The following CSMD3 variants were observed in gnomAD, a reference collection of about 807,000 sequenced individuals.
CSMD3 encodes CUB and Sushi multiple domains 3, also known as CUB and sushi domain-containing protein 3.
In CSMD3, 177 loss-of-function variants were observed where a neutral mutation model predicts 435.2. The ratio of observed to expected loss-of-function variants is 0.41; its 90% CI spans 0.36 to 0.46. The LOEUF is 0.46. Among genes scored for constraint, CSMD3 ranks in the 20% least tolerant of loss-of-function variants. The probability of loss-of-function intolerance (pLI) is 0.34; values close to 1 mark genes in which losing one functional copy is unlikely to be tolerated. For missense variants in CSMD3, 4,265 were observed against 4,504.6 expected (o/e 0.95, Z 1.52); for synonymous variants, 1,656 against 1,520.5 (o/e 1.09, Z -2.07).
rs1554791117 is a variant in CSMD3, at chr8:113,153,088, G to GAAAGAAAGAAAGAAAGAAAGA, written c.709+20633_709+20634insTCTTTCTTTCTTTCTTTCTTT. On this transcript the variant is annotated intron_variant, in intron 4 of 70. Transcript: ENST00000297405. ...GAAAAAAGAAAGAAAAAGAAAGAAA[G>GAAAGAAAGAAAGAAAGAAAGA]AAAGAAAGAAAGAAAAGAAAGAAAG... Among the ~76,000 whole-genome samples, 5 of 86,818 alleles carry GAAAGAAAGAAAGAAAGAAAGA rather than the reference G, an allele frequency of 5.8e-5. No homozygotes were observed. In the East Asian group the frequency reaches 2.6e-3, roughly 45 times the overall value. The allele number at this position is 86,818 out of a possible 152,430, so 57.0% of individuals were successfully genotyped here. A position where few individuals can be genotyped will look rare whatever the true frequency, so the allele number is the denominator to read the frequency against.
At chr8:112,421,974 A>G (rs1030117064) in intron 32 of CSMD3, among the ~76,000 whole-genome samples, 1 of 151,992 alleles carries the variant, frequency 6.6e-6, no homozygotes, top group South Asian at 2.1e-4. Context: ...AAACAAGACA[A>G]CTATCAAAAA....
chr8:112,364,536 G>A (rs1304685457), intron 38 of CSMD3, among the ~76,000 whole-genome samples: 1 of 151,960 alleles, frequency 6.6e-6, no homozygotes, highest in African/African-American at 2.4e-5. Context: ...GGTCCCTCTA[G>A]GATTTGCCAT....
At chr8:112,542,007 G>C (rs1205530721) in intron 27 of CSMD3, among the ~76,000 whole-genome samples, 1 of 151,688 alleles carries the variant, frequency 6.6e-6, no homozygotes, top group Non-Finnish European at 1.5e-5. Context: ...CAATTATTTT[G>C]ATACACCACA....
intron 28 of CSMD3, among the ~76,000 whole-genome samples, chr8:112,509,804 T>C (rs1385381600): frequency 2.0e-5 from 3 of 152,214 alleles, no homozygotes; most frequent in Non-Finnish European, 4.4e-5. Flanking sequence ...CTTATGATTT[T>C]TATCTTCTAA....
At chr8:112,335,524 A>C in intron 44 of CSMD3, 50 bp from the exon 45 acceptor site, 1 of 1,542,056 alleles carries the variant, frequency 6.5e-7, no homozygotes, top group East Asian at 2.3e-5. Flanking sequence ...TGATTGTGGA[A>C]GTAGTTTTGA....
intron 1 of CSMD3, among the ~76,000 whole-genome samples, chr8:113,433,213 T>C (rs1455858777): frequency 1.3e-5 from 2 of 152,180 alleles, no homozygotes; most frequent in Non-Finnish European, 2.9e-5. Flanking sequence ...GCTGTTATTA[T>C]TTTGAAAAGA....
At chr8:112,939,542 A>G (rs928362683) in intron 9 of CSMD3, among the ~76,000 whole-genome samples, 1 of 152,096 alleles carries the variant, frequency 6.6e-6, no homozygotes, top group African/African-American at 2.4e-5. Flanking sequence ...AGAGCAATAG[A>G]ACTTAAAAGT....
intron 10 of CSMD3, among the ~76,000 whole-genome samples, chr8:112,879,443 T>G (rs1035150700): frequency 2.0e-5 from 3 of 152,100 alleles, no homozygotes; most frequent in African/African-American, 7.2e-5. Flanking sequence ...TGGACCCTCA[T>G]TAGCAATTCT....
At chr8:112,995,721 A>G (rs576016795) in intron 6 of CSMD3, among the ~76,000 whole-genome samples, 81 of 151,622 alleles carry the variant, frequency 5.3e-4, no homozygotes, top group Non-Finnish European at 9.6e-4. Flanking sequence ...TAATTTTCAC[A>G]TCTCTAATAG....
intron 1 of CSMD3, among the ~76,000 whole-genome samples, chr8:113,362,121 T>C (rs1299983484): frequency 6.6e-6 from 1 of 152,154 alleles, no homozygotes; most frequent in African/African-American, 2.4e-5. Flanking sequence ...TGAACTTGCA[T>C]TGAACATACA....
rs74600870 is a variant in CSMD3, at chr8:112,722,944, C to A, written c.1973-32894G>T. Among the ~76,000 whole-genome samples, 68 of 149,794 alleles carry A rather than the reference C, an allele frequency of 4.5e-4. 2 individuals carry two copies. The East Asian group carries it at 0.013, about 28-fold the overall frequency. Reference sequence around the variant, plus strand: ...TATTTTCCTAAATTTATAATAGGCCCAAAAAGAAACAGAAATTAACACTTT... The same window carrying A: ...TATTTTCCTAAATTTATAATAGGCCAAAAAAGAAACAGAAATTAACACTTT... On this transcript the variant is annotated intron_variant, in intron 13 of 70. Coordinates refer to ENST00000297405, the MANE Select transcript of CSMD3 (RefSeq NM_198123.2).
chr8:112,984,994 TGATA>T (rs71309797), intron 6 of CSMD3, among the ~76,000 whole-genome samples: 13,315 of 148,344 alleles, frequency 0.09, 638 homozygotes, highest in African/African-American at 0.11. Context: ...TGATAGATTA[TGATA>T]GATAGATAGA....
intron 6 of CSMD3, among the ~76,000 whole-genome samples, chr8:112,990,431 TG>T (rs2131013706): frequency 6.6e-6 from 1 of 151,990 alleles, no homozygotes; most frequent in African/African-American, 2.4e-5. Context: ...CATGTTTAAC[TG>T]AAACAATGGG....
chr8:113,145,721 T>C (rs1194804990), intron 4 of CSMD3, among the ~76,000 whole-genome samples: 1 of 151,606 alleles, frequency 6.6e-6, no homozygotes, highest in Non-Finnish European at 1.5e-5. Context: ...CTTGTTTTGT[T>C]CAATTTAGAT....
intron 22 of CSMD3, among the ~76,000 whole-genome samples, chr8:112,592,814 T>C (rs1831312385): frequency 6.6e-6 from 1 of 152,022 alleles, no homozygotes; most frequent in Non-Finnish European, 1.5e-5. Flanking sequence ...CCGTATTAGG[T>C]CTTGGGGATA....
Position 112,255,488 on chromosome 8 carries a change from T to C in CSMD3, c.9863-61A>G, listed in dbSNP as rs546488359. On this transcript the variant is annotated intron_variant, in intron 61 of 70. Coordinates refer to ENST00000297405, the MANE Select transcript of CSMD3 (RefSeq NM_198123.2). ...TTAGTATACAGCAGAGTACACAGTT[T>C]GGAAAAATGGTGACAATCAATTTGA... The C allele has an allele frequency of 7.8e-6, 11 of 1,409,324 alleles. No homozygotes were observed. The East Asian group carries it at 2.1e-4, about 26-fold the overall frequency. 87.3% of individuals were successfully genotyped at this position (1,409,324 alleles called of 1,614,324 possible). A position where few individuals can be genotyped will look rare whatever the true frequency, so the allele number is the denominator to read the frequency against.
chr8:112,346,080 G>A lies in CSMD3; in HGVS notation c.6442+17C>T, dbSNP rs951844446. On this transcript the variant is annotated intron_variant, in intron 41 of 70. Transcript: ENST00000297405. Reference sequence around the variant, plus strand: ...ATAAATATTGAAAGCTCTTTCACGTGTTTTTAATACACATACCAAAACCTA... The same window carrying A: ...ATAAATATTGAAAGCTCTTTCACGTATTTTTAATACACATACCAAAACCTA... The A allele has an allele frequency of 3.1e-5, 40 of 1,287,954 alleles. No homozygotes were observed. The highest frequency in any genetic ancestry group is 4.4e-5 in the Non-Finnish European group (39 of 882,380). The allele number at this position is 1,287,954 out of a possible 1,614,324, so 79.8% of individuals were successfully genotyped here. A position where few individuals can be genotyped will look rare whatever the true frequency, so the allele number is the denominator to read the frequency against.
intron 32 of CSMD3, among the ~76,000 whole-genome samples, chr8:112,424,259 A>G (rs547356623): frequency 5.9e-5 from 9 of 152,216 alleles, no homozygotes; most frequent in Non-Finnish European, 1.0e-4. Flanking sequence ...AAAAACAACA[A>G]CAACCTTATC....
chr8:112,224,970 T>C (rs764387400), intron 70 of CSMD3, 40 bp from the exon 71 acceptor site: 4 of 1,593,756 alleles, frequency 2.5e-6, no homozygotes, highest in Non-Finnish European at 3.4e-6. Flanking sequence ...GTTAACTTTC[T>C]TCCAGAAACA....
Sources: allele counts gnomAD v4.1 joint callset (sites outside exome capture counted in the v4.1 genomes callset), GRCh38; gene constraint gnomAD v4.1.1; transcripts MANE v1.5; gene names NCBI Gene and HGNC (gene_info 2026-07-23, HGNC 2026-07-21).